Variants in ENGASE observed in about 807,000 individuals in gnomAD.
The protein encoded by ENGASE is cytosolic endo-beta-N-acetylglucosaminidase.
A neutral mutation model predicts 78.5 loss-of-function variants in ENGASE; 69 were observed. The ratio of observed to expected loss-of-function variants is 0.88; its 90% confidence interval spans 0.72 to 1.07. ENGASE has a LOEUF of 1.07. Among genes scored for constraint, ENGASE ranks in the 50% least tolerant of loss-of-function variants. The pLI, the probability that ENGASE is intolerant of heterozygous loss-of-function variation, is 0.00. For synonymous variants in ENGASE, 408 were observed against 408.9 expected, an observed-to-expected ratio of 1.00 and a Z score of 0.03; for missense variants, 943 against 988.4, an observed-to-expected ratio of 0.95 and a Z score of 0.62.
intron 2 of ENGASE, 45 bp downstream of exon 2, chr17:79,077,542 GGGCTTTGGGGCAGGTC>G: frequency 1.3e-6 from 2 of 1,545,070 alleles, no homozygotes; most frequent in Non-Finnish European, 1.7e-6. Context: ...TTCACACCTG[GGGCTTTGGGGCAGGTC>G]AGCCCCTGCC....
rs2073170979 is a variant in ENGASE, at chr17:79,082,479, T to C, written c.1038+416T>C. 3 of 1,202,488 alleles carry C rather than the reference T, an allele frequency of 2.5e-6. No individual in the cohort carries two copies. In the South Asian group the frequency reaches 4.6e-5, roughly 19 times the overall value. The allele number at this position is 1,202,488 out of a possible 1,614,324, so 74.5% of individuals were successfully genotyped here. ...GGGGGAGGTGCCCAGGGTTTGGGGA[T>C]CGGTAGGTGTCATGACGAGGGAGCA... On this transcript the variant is annotated intron_variant, in intron 7 of 13. Coordinates refer to ENST00000579016, the MANE Select transcript of ENGASE (RefSeq NM_001042573.3).
rs1253394430 is a variant in ENGASE at position 79,077,858 on chromosome 17, A to C, written c.410A>C (p.Asp137Ala). 6.7e-7 allele frequency: 1 copy of C among 1,486,578 alleles called. No homozygotes were observed. Among genetic ancestry groups the C allele is most frequent in the Admixed American group, 1.8e-5 (1 of 55,558 alleles). 92.1% of individuals were successfully genotyped at this position (1,486,578 alleles called of 1,614,324 possible). The part of the protein sequence containing the change: ...LCHDMMGGYL[D>A]DRFIQGSVVQ... ...CATGACATGATGGGCGGGTACCTGG[A>C]TGACAGGTGAGGACCTGGCCTTACA... The change falls in exon 3 of 14, where the codon GAT (aspartate) becomes GCT (alanine). Residue 137 changes from aspartate (D) to alanine (A), a missense_variant. Asp to Ala is a moderately radical substitution (Grantham distance 126, BLOSUM62 -2). Transcript: ENST00000579016.
rs1297615358 is a variant in ENGASE, at chr17:79,079,478, T to G, written c.417-11T>G. 1 of 1,611,572 alleles carries G rather than the reference T, an allele frequency of 6.2e-7. No homozygotes were observed. The highest frequency in any genetic ancestry group is 1.3e-5 in the African/African-American group (1 of 74,532). On this transcript the variant is annotated splice_polypyrimidine_tract_variant and intron_variant, in intron 3 of 13. Coordinates refer to ENST00000579016, the MANE Select transcript of ENGASE (RefSeq NM_001042573.3). ...CTGCCGTGGCCAGCCCTGTTCTGTT[T>G]CTTTCCCCAGGTTCATTCAGGGCTC...
rs2073195182 is a variant in ENGASE at position 79,083,207 on chromosome 17, C to T, written c.1142+84C>T. On this transcript the variant is annotated intron_variant, in intron 8 of 13. Coordinates refer to ENST00000579016, the MANE Select transcript of ENGASE (RefSeq NM_001042573.3). The surrounding 1 kb of genome is among the most constrained non-coding windows in gnomAD (Gnocchi z 4.9). ...GTCTCTGATAGGACACGTTTGTGCT[C>T]TTTAGTGACCCTTCCTATGGGGGGG... 4 of 1,026,988 alleles carry T rather than the reference C, an allele frequency of 3.9e-6. No individual in the cohort carries two copies. Among genetic ancestry groups the T allele is most frequent in the East Asian group, 2.4e-5 (1 of 41,792 alleles). The allele number at this position is 1,026,988 out of a possible 1,614,324, so 63.6% of individuals were successfully genotyped here.
rs764419733 is a variant in ENGASE at position 79,077,667 on chromosome 17, A to T, written c.219A>T (p.Arg73Ser). The stretch of plus-strand genomic sequence containing the variant: ...ATGTTTCTGTCCTCGGACCAGTTAG[A>T]TATTATGACAAGGACACCACCAAAC... Reference protein sequence around the residue: ...VSFSPDPLPVRYYDKDTTKPI... With the variant: ...VSFSPDPLPVSYYDKDTTKPI... The change falls in exon 3 of 14, where the codon AGA becomes AGT. Residue 73 changes from arginine to serine, a missense_variant. Arg to Ser is a moderately radical substitution (Grantham distance 110, BLOSUM62 -1). Transcript: ENST00000579016. 1 of 1,614,070 alleles carries T rather than the reference A, an allele frequency of 6.2e-7. No individual in the cohort carries two copies. The highest frequency in any genetic ancestry group is 8.5e-7 in the Non-Finnish European group (1 of 1,180,022).
intron 11 of ENGASE, among the ~76,000 whole-genome samples, 173 bp from the exon 12 acceptor site, chr17:79,085,061 G>C (rs144307151): frequency 1.3e-5 from 2 of 152,166 alleles, no homozygotes; most frequent in Non-Finnish European, 2.9e-5. Flanking sequence ...CCCCAGACAC[G>C]CATTTCCTTC....
At chr17:79,082,463 G>A (rs1204736417) in intron 7 of ENGASE, 6 of 1,208,268 alleles carry the variant, frequency 5.0e-6, no homozygotes, top group African/African-American at 3.2e-5. Flanking sequence ...CGGGGGAGGT[G>A]CCCAGGGTTT....
At position 79,083,479 on chromosome 17, in the gene ENGASE, C is replaced by T. The variant is rs1212411423; in HGVS notation, c.1143-3C>T. The T allele has an allele frequency of 2.5e-6, 4 of 1,611,818 alleles. No individual in the cohort carries two copies. The highest frequency in any genetic ancestry group is 2.7e-5 in the African/African-American group (2 of 74,872). On this transcript the variant is annotated splice_polypyrimidine_tract_variant and splice_region_variant and intron_variant, in intron 8 of 13. Coordinates refer to ENST00000579016, the MANE Select transcript of ENGASE (RefSeq NM_001042573.3). This position sits in a 1 kb window ranked among gnomAD's most constrained non-coding sequence, Gnocchi z 4.9. ...CGAGCTGTTGCCCCCATGTCTCTGG[C>T]AGGTTCTGGGGCCGACTGGAGCGTT...
At chr17:79,077,363 T>C in intron 1 of ENGASE, 67 bp from the exon 2 acceptor site, 1 of 1,417,826 alleles carries the variant, frequency 7.1e-7, no homozygotes, top group Non-Finnish European at 9.6e-7. Flanking sequence ...AACTGGTCCA[T>C]TTGCTTCTAA....
rs2092223926 is a variant in ENGASE at position 79,086,310 on chromosome 17, G to C, written c.2193G>C (p.Glu731Asp). ...PKEGFRVPQA[E>D]WGRAVLLYSA... The stretch of plus-strand genomic sequence containing the variant: ...AAGGGTTCCGGGTACCTCAGGCCGA[G>C]TGGGGCAGGGCAGTTCTGCTTTATT... The change falls in exon 14 of 14, where the codon GAG becomes GAC. Residue 731 changes from glutamate (E) to aspartate (D), a missense_variant. Coordinates refer to ENST00000579016, the MANE Select transcript of ENGASE (RefSeq NM_001042573.3). 6.2e-7 allele frequency: 1 copy of C among 1,613,388 alleles called. No individual in the cohort carries two copies. The highest frequency in any genetic ancestry group is 1.3e-5 in the African/African-American group (1 of 74,950).
chr17:79,087,716 C>T lies in ENGASE; in HGVS notation c.*1367C>T, dbSNP rs1398362603. The T allele has an allele frequency of 6.6e-6, 1 of 152,300 alleles. No homozygotes were observed. Among genetic ancestry groups the T allele is most frequent in the Non-Finnish European group, 1.5e-5 (1 of 68,192 alleles). 9.4% of individuals were successfully genotyped at this position (152,300 alleles called of 1,614,324 possible). On this transcript the variant is annotated 3_prime_UTR_variant, in exon 14 of 14. Coordinates refer to ENST00000579016, the MANE Select transcript of ENGASE (RefSeq NM_001042573.3). ...CTGTGACCCCAGCTGGAGCCCACACCTAAGGGCTGGCATCCACATCATTTC... is the reference window on the plus strand; with the variant it reads ...CTGTGACCCCAGCTGGAGCCCACACTTAAGGGCTGGCATCCACATCATTTC...
chr17:79,080,897 A>G (rs2073115432), intron 5 of ENGASE, 28 bp from the exon 6 acceptor site: 1 of 1,595,528 alleles, frequency 6.3e-7, no homozygotes, highest in South Asian at 1.1e-5. Flanking sequence ...GGGCTCACTG[A>G]GGCTCTCACC....
At chr17:79,081,114 G>C (rs757601617) in intron 6 of ENGASE, 41 bp downstream of exon 6, 1 of 1,517,526 alleles carries the variant, frequency 6.6e-7, no homozygotes, top group Non-Finnish European at 8.8e-7. Flanking sequence ...CAGGTGCCGT[G>C]GTGGGGGCGG....
rs748266062 is a variant in ENGASE, at chr17:79,081,999, T to A, written c.974T>A (p.Val325Glu). The change falls in exon 7 of 14, where the codon GTG (valine) becomes GAG (glutamate). Residue 325 changes from valine (V) to glutamate (E), a missense_variant. Coordinates refer to ENST00000579016, the MANE Select transcript of ENGASE (RefSeq NM_001042573.3). ...LGQAGERRAD[V>E]YVGVDVFARG... ...CAGGCTGGGGAGCGCCGGGCTGATG[T>A]GTACGTGGGCGTGGATGTGTTTGCT... The A allele has an allele frequency of 6.2e-7, 1 of 1,614,216 alleles. No individual in the cohort carries two copies. Among genetic ancestry groups the A allele is most frequent in the South Asian group, 1.1e-5 (1 of 91,088 alleles).
intron 7 of ENGASE, 35 bp from the exon 8 acceptor site, chr17:79,082,985 C>G: frequency 1.2e-6 from 2 of 1,607,332 alleles, no homozygotes; most frequent in Non-Finnish European, 1.7e-6. Context: ...GGACTCTGGT[C>G]CTGATGTGCC....
chr17:79,080,357 C>G lies in ENGASE; in HGVS notation c.716C>G (p.Ser239Trp), dbSNP rs550281003. 1 of 1,613,106 alleles carries G rather than the reference C, an allele frequency of 6.2e-7. No homozygotes were observed. The highest frequency in any genetic ancestry group is 8.5e-7 in the Non-Finnish European group (1 of 1,179,980). The change falls in exon 5 of 14, where the codon TCG (serine) becomes TGG (tryptophan). Residue 239 changes from serine (S) to tryptophan (W), a missense_variant. Coordinates refer to ENST00000579016, the MANE Select transcript of ENGASE (RefSeq NM_001042573.3). Reference sequence around the variant, plus strand: ...GGCTGGCTGATCAACATCGAGAACTCGCTGAGTGTGAGTGCCCAGCCCTCA... The same window carrying G: ...GGCTGGCTGATCAACATCGAGAACTGGCTGAGTGTGAGTGCCCAGCCCTCA... ...FDGWLINIEN[S>W]LSLAAVGNMP... is the part of the protein sequence containing the mutation.
chr17:79,082,242 A>G (rs2073163141), intron 7 of ENGASE, 179 bp downstream of exon 7: 3 of 1,540,692 alleles, frequency 1.9e-6, no homozygotes, highest in Admixed American at 2.0e-5. Context: ...CTATGTCCCC[A>G]CTGAAACCCC....
intron 3 of ENGASE, 60 bp downstream of exon 3, chr17:79,077,924 C>CTGTTGGGGGGGGGGGGGGG: frequency 1.6e-6 from 1 of 623,116 alleles, no homozygotes; most frequent in Non-Finnish European, 2.7e-6. Flanking sequence ...GGGGTGGGGG[C>CTGTTGGGGGGGGGGGGGGG]TGGAGGGGCG....
intron 3 of ENGASE, 72 bp downstream of exon 3, chr17:79,077,936 G>GGGGGGGGGGGC: frequency 2.8e-6 from 2 of 721,526 alleles, no homozygotes; most frequent in South Asian, 1.5e-5. Flanking sequence ...GGAGGGGCGG[G>GGGGGGGGGGGC]AGAGAGTGCC....
Sources: gnomAD v4.1 joint callset for allele counts (sites outside exome capture counted in the v4.1 genomes callset) on GRCh38, gnomAD v4.1.1 for gene constraint, Gnocchi (gnomAD v3.1) non-coding constraint, MANE v1.5 for transcripts, NCBI Gene and HGNC (gene_info 2026-07-23, HGNC 2026-07-21) for gene names.